Variants in CNTN4 observed in about 807,000 individuals in gnomAD.
CNTN4 encodes contactin-4.
Under a neutral mutation model 122.5 loss-of-function variants are expected in CNTN4, and 77 were observed. The observed-to-expected ratio is 0.63, with a 90% CI of 0.52 to 0.76. The LOEUF (loss-of-function observed/expected upper bound fraction) is 0.76, where lower values mean the gene tolerates loss of function less well. CNTN4 is among the 30% of genes least tolerant of loss of function. The probability of loss-of-function intolerance (pLI) is 0.00; values close to 1 mark genes in which losing one functional copy is unlikely to be tolerated. For missense variants in CNTN4, 1,256 were observed against 1,259.1 expected, an observed-to-expected ratio of 1.00 and a Z score of 0.04; for synonymous variants, 512 against 447.0, an observed-to-expected ratio of 1.15 and a Z score of -1.83.
chr3:2,962,528 T>G (rs1387440557), intron 13 of CNTN4, among the ~76,000 whole-genome samples: 1 of 152,192 alleles, frequency 6.6e-6, no homozygotes, highest in East Asian at 1.9e-4. Flanking sequence ...ACTAAATGAA[T>G]CTAAGGTGTC....
At chr3:2,279,797 T>G (rs1167097244) in intron 2 of CNTN4, among the ~76,000 whole-genome samples, 3 of 151,510 alleles carry the variant, frequency 2.0e-5, no homozygotes, top group Non-Finnish European at 4.4e-5. Context: ...ATATATTCTG[T>G]CTAAAAATTC....
intron 2 of CNTN4, among the ~76,000 whole-genome samples, chr3:2,133,889 G>A (rs538298376): frequency 1.4e-4 from 21 of 152,162 alleles, no homozygotes; most frequent in African/African-American, 4.1e-4. Flanking sequence ...TAGATTTAAA[G>A]CTCTATTGTT....
At chr3:2,766,847 A>C (rs2090883924) in intron 6 of CNTN4, among the ~76,000 whole-genome samples, 1 of 152,234 alleles carries the variant, frequency 6.6e-6, no homozygotes, top group Admixed American at 6.5e-5. Context: ...TTGAGAACAC[A>C]GCAATATTAA....
chr3:2,660,052 A>G (rs1054422017), intron 4 of CNTN4, among the ~76,000 whole-genome samples: 3 of 151,924 alleles, frequency 2.0e-5, no homozygotes, highest in African/African-American at 7.3e-5. Context: ...GCAAATCTCT[A>G]TTTCCTCCCA....
At chr3:2,831,389 T>A (rs1006043066) in intron 7 of CNTN4, among the ~76,000 whole-genome samples, 1 of 152,164 alleles carries the variant, frequency 6.6e-6, no homozygotes, top group Non-Finnish European at 1.5e-5. Context: ...AAATACAAAG[T>A]TCCAAATGAA....
At chr3:2,206,877 CTTTT>C (rs71056400) in intron 2 of CNTN4, among the ~76,000 whole-genome samples, 2 of 142,422 alleles carry the variant, frequency 1.4e-5, no homozygotes, top group African/African-American at 5.1e-5. Flanking sequence ...GCAGATACTG[CTTTT>C]TTTTTTTTTT....
intron 2 of CNTN4, among the ~76,000 whole-genome samples, chr3:2,225,250 C>T (rs2039234171): frequency 6.6e-6 from 1 of 150,854 alleles, no homozygotes; most frequent in Non-Finnish European, 1.5e-5. Context: ...CGCATTGGCT[C>T]ACACCTGCAA....
Position 2,967,301 on chromosome 3 carries a change from AG to A in CNTN4, c.1359-21041del, listed in dbSNP as rs528155022. Among the ~76,000 whole-genome samples, 364 of 152,276 alleles carry A rather than the reference AG, an allele frequency of 2.4e-3. 3 individuals carry two copies. Among genetic ancestry groups the A allele is most frequent in the African/African-American group, 8.4e-3 (350 of 41,562 alleles). On this transcript the variant is annotated intron_variant, in intron 13 of 24. Transcript: ENST00000418658. ...TGGACCCAGCTGATCCACTGAGTACAGGGTGTGCAAAATATCTCAAGCACTG... is the reference window on the plus strand; with the variant it reads ...TGGACCCAGCTGATCCACTGAGTACAGGTGTGCAAAATATCTCAAGCACTG...
At chr3:2,761,716 C>T (rs1018538833) in intron 6 of CNTN4, among the ~76,000 whole-genome samples, 9 of 152,034 alleles carry the variant, frequency 5.9e-5, no homozygotes, top group Non-Finnish European at 1.3e-4. Flanking sequence ...AGGTTTCAAA[C>T]ACAGTTGGCA....
At chr3:2,364,739 G>T (rs2045305653) in intron 3 of CNTN4, among the ~76,000 whole-genome samples, 1 of 152,158 alleles carries the variant, frequency 6.6e-6, no homozygotes, top group Non-Finnish European at 1.5e-5. Context: ...TAGTTTCCTG[G>T]TAATTGAAAG....
At chr3:2,603,701 G>A (rs559071590) in intron 4 of CNTN4, among the ~76,000 whole-genome samples, 12 of 152,264 alleles carry the variant, frequency 7.9e-5, no homozygotes, top group Middle Eastern at 3.4e-3. Context: ...AAAACAGCCC[G>A]TTATGGGCTG....
chr3:2,226,282 C>G (rs568800987), intron 2 of CNTN4, among the ~76,000 whole-genome samples: 13 of 152,230 alleles, frequency 8.5e-5, no homozygotes, highest in Middle Eastern at 3.4e-3. Flanking sequence ...TTGACACTCC[C>G]TATCGTAGTT....
chr3:2,109,628 A>G (rs2032788638), intron 2 of CNTN4, among the ~76,000 whole-genome samples: 1 of 152,224 alleles, frequency 6.6e-6, no homozygotes, highest in Admixed American at 6.5e-5. Context: ...ACAATCAAAC[A>G]AAACAATGAT....
chr3:2,507,989 A>G (rs2076782203), intron 3 of CNTN4, among the ~76,000 whole-genome samples: 1 of 152,172 alleles, frequency 6.6e-6, no homozygotes, highest in Non-Finnish European at 1.5e-5. Context: ...TATCTAGCTC[A>G]TAGGTCAATT....
chr3:2,177,475 T>A (rs2036801549), intron 2 of CNTN4, among the ~76,000 whole-genome samples: 1 of 152,144 alleles, frequency 6.6e-6, no homozygotes, highest in African/African-American at 2.4e-5. Context: ...GGCTGCTTCC[T>A]GAATTCCTCC....
intron 4 of CNTN4, among the ~76,000 whole-genome samples, chr3:2,625,338 T>G (rs2082142848): frequency 1.3e-5 from 2 of 152,176 alleles, no homozygotes; most frequent in Non-Finnish European, 2.9e-5. Context: ...GCATTAAATA[T>G]TAGGTCAATA....
At chr3:2,279,775 A>G (rs1174017216) in intron 2 of CNTN4, among the ~76,000 whole-genome samples, 2 of 151,628 alleles carry the variant, frequency 1.3e-5, no homozygotes, top group Non-Finnish European at 2.9e-5. Context: ...TTATATCTAC[A>G]TATATCTATA....
intron 2 of CNTN4, among the ~76,000 whole-genome samples, chr3:2,302,419 C>G (rs1020743901): frequency 6.6e-6 from 1 of 152,300 alleles, no homozygotes; most frequent in Admixed American, 6.5e-5. Flanking sequence ...CAGAGCGAGA[C>G]TCCATCTCAA....
At chr3:2,311,751 C>G (rs925650886) in intron 2 of CNTN4, among the ~76,000 whole-genome samples, 4 of 152,100 alleles carry the variant, frequency 2.6e-5, no homozygotes, top group African/African-American at 9.7e-5. Flanking sequence ...ATTTATAATA[C>G]TTTGTAAACT....
Sources: allele counts gnomAD v4.1 joint callset (sites outside exome capture counted in the v4.1 genomes callset), GRCh38; gene constraint gnomAD v4.1.1; transcripts MANE v1.5; gene names NCBI Gene and HGNC (gene_info 2026-07-23, HGNC 2026-07-21).